HLF: variants seen among roughly 807,000 people sequenced by gnomAD.
HLF encodes hepatic leukemia factor.
HLF carries 3 observed loss-of-function variants against 22.6 expected under a neutral mutation model. The ratio of observed to expected loss-of-function variants is 0.13; its 90% confidence interval spans 0.06 to 0.34. The LOEUF (loss-of-function observed/expected upper bound fraction) is 0.34, where lower values mean the gene tolerates loss of function less well. Ranked by LOEUF, HLF falls within the 10% of genes least tolerant of loss-of-function variation. HLF has a pLI of 1.00. For missense variants in HLF, 299 were observed against 389.2 expected, an observed-to-expected ratio of 0.77 and a Z score of 1.95; for synonymous variants, 151 against 151.8, an observed-to-expected ratio of 0.99 and a Z score of 0.04.
chr17:55,315,593 G>C (rs1905035039), intron 3 of HLF, 146 bp downstream of exon 3: 2 of 653,040 alleles, frequency 3.1e-6, no homozygotes, highest in Non-Finnish European at 5.4e-6. Context: ...GTGACTTCTA[G>C]GCCAGTTGTT....
At chr17:55,268,917 T>C (rs892987130) in intron 2 of HLF, among the ~76,000 whole-genome samples, 4 of 152,188 alleles carry the variant, frequency 2.6e-5, no homozygotes, top group Non-Finnish European at 4.4e-5. Flanking sequence ...GAAGGAGCTT[T>C]GAATTCATGC....
rs577463774 is a variant in HLF, at chr17:55,323,389, T to C, written c.*2510T>C. ...GGAGAATTGTGGAAGGATTGTAACA[T>C]GGACCATCCAAATTTATGGCCGTAT... On this transcript the variant is annotated 3_prime_UTR_variant, in exon 4 of 4. Coordinates refer to ENST00000226067, the MANE Select transcript of HLF (RefSeq NM_002126.5). The C allele has an allele frequency of 5.1e-5, 11 of 216,064 alleles. No individual in the cohort carries two copies. In the East Asian group the frequency reaches 7.6e-4, roughly 15 times the overall value. 13.4% of individuals were successfully genotyped at this position (216,064 alleles called of 1,614,324 possible). A position where few individuals can be genotyped will look rare whatever the true frequency, so the allele number is the denominator to read the frequency against.
At chr17:55,293,950 C>T (rs1174727455) in intron 2 of HLF, among the ~76,000 whole-genome samples, 1 of 152,060 alleles carries the variant, frequency 6.6e-6, no homozygotes, top group Non-Finnish European at 1.5e-5. Flanking sequence ...TCAGCCAATT[C>T]CTAGGGAATT....
At chr17:55,288,642 A>G (rs1030379595) in intron 2 of HLF, among the ~76,000 whole-genome samples, 20 of 151,772 alleles carry the variant, frequency 1.3e-4, no homozygotes, top group African/African-American at 4.1e-4. Context: ...TGGTGTCCCA[A>G]CTACTAGGGA....
At position 55,265,586 on chromosome 17, in the gene HLF, T is replaced by TCAC. The variant is rs1468842621; in HGVS notation, c.106_108dup (p.His36dup). On this transcript the variant is annotated inframe_insertion, in exon 1 of 4. Coordinates refer to ENST00000226067, the MANE Select transcript of HLF (RefSeq NM_002126.5). ...TGGAGAACCCGCTGAAGCTCCCCCT[T>TCAC]CACCACGAAGACGGTGAGCGCTGCC... 1 of 1,597,114 alleles carries TCAC rather than the reference T, an allele frequency of 6.3e-7. No individual in the cohort carries two copies. Among genetic ancestry groups the TCAC allele is most frequent in the South Asian group, 1.1e-5 (1 of 89,950 alleles).
At chr17:55,303,731 A>G (rs1904406288) in intron 2 of HLF, among the ~76,000 whole-genome samples, 1 of 152,172 alleles carries the variant, frequency 6.6e-6, no homozygotes, top group Non-Finnish European at 1.5e-5. Context: ...GTCCTTGGGC[A>G]TGCACGGTTA....
At chr17:55,297,369 A>G (rs192966121) in intron 2 of HLF, among the ~76,000 whole-genome samples, 1 of 152,230 alleles carries the variant, frequency 6.6e-6, no homozygotes, top group African/African-American at 2.4e-5. Flanking sequence ...AGTTATTGAA[A>G]GTCTTTCTCT....
intron 2 of HLF, among the ~76,000 whole-genome samples, chr17:55,289,897 T>C (rs147022933): frequency 6.6e-6 from 1 of 152,204 alleles, no homozygotes; most frequent in East Asian, 1.9e-4. Flanking sequence ...AATAAGCCTG[T>C]TTTCAGCCTA....
intron 2 of HLF, among the ~76,000 whole-genome samples, chr17:55,274,114 G>T (rs756009939): frequency 6.6e-6 from 1 of 152,004 alleles, no homozygotes; most frequent in Non-Finnish European, 1.5e-5. Flanking sequence ...GAAAGGGGGT[G>T]GGGGAGGTGG....
At chr17:55,293,372 A>C (rs1464948605) in intron 2 of HLF, among the ~76,000 whole-genome samples, 1 of 152,166 alleles carries the variant, frequency 6.6e-6, no homozygotes, top group Non-Finnish European at 1.5e-5. Flanking sequence ...CTCTGAGGAG[A>C]GAAGGCAGAG....
At chr17:55,289,014 G>A in intron 2 of HLF, 1 of 821,154 alleles carries the variant, frequency 1.2e-6, no homozygotes, top group Non-Finnish European at 1.5e-6. Context: ...TTGGGTGTGG[G>A]GAAGGGAGGA....
chr17:55,315,186 C>A (rs1905015541), intron 2 of HLF, 41 bp from the exon 3 acceptor site: 1 of 1,530,496 alleles, frequency 6.5e-7, no homozygotes, highest in Non-Finnish European at 9.0e-7. Flanking sequence ...TACTGGGTCT[C>A]TCTAGGGTGT....
chr17:55,314,373 T>C lies in HLF; in HGVS notation c.452-854T>C, dbSNP rs557728125. Among the ~76,000 whole-genome samples, 5 of 152,352 alleles carry C rather than the reference T, an allele frequency of 3.3e-5. No individual in the cohort carries two copies. The East Asian group carries it at 9.6e-4, about 29-fold the overall frequency. ...ACTATCTCCATTGCTACCGTTAATGTGTACACTGTTTATCACAACAGCCTT... is the reference window on the plus strand; with the variant it reads ...ACTATCTCCATTGCTACCGTTAATGCGTACACTGTTTATCACAACAGCCTT... On this transcript the variant is annotated intron_variant, in intron 2 of 3. Coordinates refer to ENST00000226067, the MANE Select transcript of HLF (RefSeq NM_002126.5).
chr17:55,314,168 G>A (rs1367407168), intron 2 of HLF, among the ~76,000 whole-genome samples: 1 of 152,052 alleles, frequency 6.6e-6, no homozygotes, highest in Non-Finnish European at 1.5e-5. Flanking sequence ...TAAACATTTG[G>A]GTCTGGTATG....
chr17:55,314,747 C>T (rs1370619373), intron 2 of HLF, among the ~76,000 whole-genome samples: 1 of 152,312 alleles, frequency 6.6e-6, no homozygotes, highest in Admixed American at 6.5e-5. Flanking sequence ...AGGAAATGCT[C>T]CCTAACCTCC....
intron 3 of HLF, among the ~76,000 whole-genome samples, chr17:55,318,680 A>G (rs1458006609): frequency 3.3e-5 from 5 of 152,048 alleles, no homozygotes; most frequent in African/African-American, 1.2e-4. Flanking sequence ...GCAGACTCTG[A>G]TACATCCTAA....
intron 2 of HLF, among the ~76,000 whole-genome samples, chr17:55,301,621 A>C (rs946270206): frequency 2.6e-5 from 4 of 152,260 alleles, no homozygotes; most frequent in Non-Finnish European, 5.9e-5. Context: ...GTCTAGAAAC[A>C]AAGCAGACCA....
chr17:55,283,785 G>T (rs1227251832), intron 2 of HLF: 1 of 152,280 alleles, frequency 6.6e-6, no homozygotes, highest in Non-Finnish European at 1.5e-5. Context: ...CTGGTAAGCT[G>T]CCTGTGGCCA....
chr17:55,295,544 G>A (rs1389532179), intron 2 of HLF, among the ~76,000 whole-genome samples: 3 of 152,224 alleles, frequency 2.0e-5, no homozygotes, highest in Non-Finnish European at 4.4e-5. Context: ...AGAACCACAC[G>A]TCTCAAACGT....
Sources: gnomAD v4.1 joint callset for allele counts (sites outside exome capture counted in the v4.1 genomes callset) on GRCh38, gnomAD v4.1.1 for gene constraint, MANE v1.5 for transcripts, NCBI Gene and HGNC (gene_info 2026-07-23, HGNC 2026-07-21) for gene names.